The following RANBP9 variants were observed in gnomAD, a reference collection of about 807,000 sequenced individuals.
The protein encoded by RANBP9 is ran-binding protein 9.
Under a neutral mutation model 84.3 loss-of-function variants are expected in RANBP9, and 15 were observed. That is an observed-to-expected ratio of 0.18 (90% CI 0.12 to 0.27). The LOEUF (loss-of-function observed/expected upper bound fraction) is 0.27, where lower values mean the gene tolerates loss of function less well. Among genes scored for constraint, RANBP9 ranks in the 10% least tolerant of loss-of-function variants. The probability of loss-of-function intolerance (pLI) is 1.00; values close to 1 mark genes in which losing one functional copy is unlikely to be tolerated. For synonymous variants in RANBP9, 392 were observed against 349.6 expected, an observed-to-expected ratio of 1.12 and a Z score of -1.35; for missense variants, 809 against 912.8, an observed-to-expected ratio of 0.89 and a Z score of 1.46.
rs1187523139 is a variant in RANBP9 at position 13,632,464 on chromosome 6, T to G, written c.1853A>C (p.Glu618Ala). The G allele has an allele frequency of 6.2e-7, 1 of 1,614,032 alleles. No individual in the cohort carries two copies. Among genetic ancestry groups the G allele is most frequent in the Non-Finnish European group, 8.5e-7 (1 of 1,179,922 alleles). Reference protein sequence around the residue: ...QLCGGSQAAIERMIHFGRELQ... With the variant: ...QLCGGSQAAIARMIHFGRELQ... ...CTCTCGTCCAAAGTGGATCATTCTT[T>G]CTATGGCGGCCTGACTTCCTCCACA... Residue 618 changes from glutamate to alanine, a missense_variant, in exon 12 of 14, where the codon GAA (glutamate) becomes GCA (alanine). Around this residue, in one of 5 missense-constraint regions of RANBP9, gnomAD observed 233 missense variants for 234.4 expected, o/e 0.99. Transcript: ENST00000011619.
At chr6:13,660,682 A>G (rs1204505849) in intron 2 of RANBP9, among the ~76,000 whole-genome samples, 1 of 151,234 alleles carries the variant, frequency 6.6e-6, no homozygotes, top group Non-Finnish European at 1.5e-5. Context: ...AAATTTTAAA[A>G]AAGAAAACTC....
At chr6:13,628,215 A>G (rs1764676664) in intron 12 of RANBP9, among the ~76,000 whole-genome samples, 1 of 152,218 alleles carries the variant, frequency 6.6e-6, no homozygotes. Flanking sequence ...AAATGTTAAG[A>G]AGAAAAAACA....
chr6:13,640,715 G>A (rs1016372420), intron 8 of RANBP9, among the ~76,000 whole-genome samples: 1 of 152,168 alleles, frequency 6.6e-6, no homozygotes, highest in Non-Finnish European at 1.5e-5. Flanking sequence ...GCAAAATGTA[G>A]AATGGTGGTT....
chr6:13,676,276 A>G (rs559792855), intron 2 of RANBP9, among the ~76,000 whole-genome samples: 1 of 152,272 alleles, frequency 6.6e-6, no homozygotes, highest in East Asian at 1.9e-4. Flanking sequence ...AAAGCTAAAT[A>G]AAAACATATA....
At chr6:13,634,586 T>C (rs1562298350) in intron 10 of RANBP9, 34 bp from the exon 11 acceptor site, 1 of 1,570,272 alleles carries the variant, frequency 6.4e-7, no homozygotes, top group East Asian at 2.3e-5. Context: ...ATTTTAGAAA[T>C]ATCATACTTG....
chr6:13,670,610 C>T (rs1765754606), intron 2 of RANBP9, among the ~76,000 whole-genome samples: 1 of 151,994 alleles, frequency 6.6e-6, no homozygotes, highest in African/African-American at 2.4e-5. Context: ...TCCTGGCTAA[C>T]ACGGTGAAAC....
At chr6:13,660,159 A>T (rs1765507773) in intron 2 of RANBP9, among the ~76,000 whole-genome samples, 1 of 152,202 alleles carries the variant, frequency 6.6e-6, no homozygotes, top group Admixed American at 6.5e-5. Flanking sequence ...ATTACATATT[A>T]AAAGCTGTAT....
intron 1 of RANBP9, among the ~76,000 whole-genome samples, chr6:13,701,121 G>T (rs1757958006): frequency 6.6e-6 from 1 of 151,956 alleles, no homozygotes. Context: ...TCCTCTTCCA[G>T]GACAGGCTAC....
At chr6:13,636,652 CATCT>C (rs775394011) in intron 10 of RANBP9, among the ~76,000 whole-genome samples, 105 of 152,156 alleles carry the variant, frequency 6.9e-4, no homozygotes, top group Non-Finnish European at 2.8e-4. Flanking sequence ...TTTACATTTC[CATCT>C]ATTTTTAAAC....
rs1758285003 is a variant in RANBP9, at chr6:13,711,471, T to TGCG, written c.34_35insCGC (p.Gln11_Gln12insPro). On this transcript the variant is annotated inframe_insertion, in exon 1 of 14. Transcript: ENST00000011619. ...CGACAGCTGCTGCTGCTGTTGCTGCTGCTGCGGCGGCGGCGGCGGCGGCTG... is the reference window on the plus strand; with the variant it reads ...CGACAGCTGCTGCTGCTGTTGCTGCTGCGGCTGCGGCGGCGGCGGCGGCGGCTG... 7.3e-6 allele frequency: 9 copies of TGCG among 1,239,842 alleles called. No homozygotes were observed. Among genetic ancestry groups the TGCG allele is most frequent in the African/African-American group, 3.2e-5 (2 of 62,532 alleles). 76.8% of individuals were successfully genotyped at this position (1,239,842 alleles called of 1,614,324 possible). A position where few individuals can be genotyped will look rare whatever the true frequency, so the allele number is the denominator to read the frequency against.
At position 13,632,493 on chromosome 6, in the gene RANBP9, C is replaced by T. The variant is rs975520882; in HGVS notation, c.1824G>A (p.Gln608=). 21 of 1,613,804 alleles carry T rather than the reference C, an allele frequency of 1.3e-5. No homozygotes were observed. The highest frequency in any genetic ancestry group is 1.6e-5 in the Non-Finnish European group (19 of 1,179,766). ...TGGCGGCCTGACTTCCTCCACACAA[C>T]TGGCGTCTCAACTGACTTGAATCAA... ...MEVDSSQLRR[Q]LCGGSQAAIE... is the part of the protein sequence containing the mutation. Residue 608 remains glutamine, a synonymous_variant, in exon 12 of 14, where the codon CAG becomes CAA. Coordinates refer to ENST00000011619, the MANE Select transcript of RANBP9 (RefSeq NM_005493.3).
chr6:13,682,516 G>A (rs1292549786), intron 2 of RANBP9, among the ~76,000 whole-genome samples: 6 of 151,086 alleles, frequency 4.0e-5, no homozygotes, highest in Admixed American at 3.3e-4. Context: ...GCAATGGCAC[G>A]ATCTTGGCTC....
intron 2 of RANBP9, among the ~76,000 whole-genome samples, chr6:13,696,054 G>A (rs1186831638): frequency 1.3e-5 from 2 of 151,316 alleles, no homozygotes; most frequent in Non-Finnish European, 2.9e-5. Context: ...TAGATCCAAT[G>A]ATTCTAGGTA....
At chr6:13,654,941 T>C (rs866566170) in intron 4 of RANBP9, among the ~76,000 whole-genome samples, 2 of 152,360 alleles carry the variant, frequency 1.3e-5, no homozygotes, top group Middle Eastern at 3.4e-3. Flanking sequence ...ACTATTGCAG[T>C]TTAGTCTAAC....
At chr6:13,644,437 T>A in intron 6 of RANBP9, 108 bp downstream of exon 6, 1 of 1,028,764 alleles carries the variant, frequency 9.7e-7, no homozygotes, top group East Asian at 2.7e-5. Context: ...AATAGATATG[T>A]CAGTATATAA....
chr6:13,696,100 G>T, intron 2 of RANBP9, among the ~76,000 whole-genome samples: 1 of 151,876 alleles, frequency 6.6e-6, no homozygotes, highest in East Asian at 1.9e-4. Flanking sequence ...CCAAAATTCA[G>T]TGTGGAGCTT....
At position 13,711,628 on chromosome 6, in the gene RANBP9, C is replaced by A; in HGVS notation, c.-123G>T. On this transcript the variant is annotated 5_prime_UTR_variant, in exon 1 of 14. Transcript: ENST00000011619. ...CCAGTCCGCCCGCCCCGGAAGCAGG[C>A]GGCGGGCCGCGCGCCCAGGGAGACC... 5 of 932,452 alleles carry A rather than the reference C, an allele frequency of 5.4e-6. No individual in the cohort carries two copies. The highest frequency in any genetic ancestry group is 6.8e-6 in the Non-Finnish European group (5 of 731,824). 57.8% of individuals were successfully genotyped at this position (932,452 alleles called of 1,614,324 possible). A position where few individuals can be genotyped will look rare whatever the true frequency, so the allele number is the denominator to read the frequency against.
At chr6:13,660,824 T>C (rs1019256653) in intron 2 of RANBP9, among the ~76,000 whole-genome samples, 1 of 152,180 alleles carries the variant, frequency 6.6e-6, no homozygotes, top group Non-Finnish European at 1.5e-5. Context: ...AGAAGGCTCA[T>C]TAAGTTTGTA....
At chr6:13,665,714 A>G (rs777519960) in intron 2 of RANBP9, among the ~76,000 whole-genome samples, 1 of 152,198 alleles carries the variant, frequency 6.6e-6, no homozygotes, top group Non-Finnish European at 1.5e-5. Flanking sequence ...GAAAAACTTG[A>G]AACAGCCTGG....
Sources: allele counts gnomAD v4.1 joint callset (sites outside exome capture counted in the v4.1 genomes callset), GRCh38; gene constraint gnomAD v4.1.1; regional missense constraint gnomAD v4.1.1; transcripts MANE v1.5; gene names NCBI Gene and HGNC (gene_info 2026-07-23, HGNC 2026-07-21).